Variants in IMMP2L observed in about 807,000 individuals in gnomAD.
IMMP2L encodes inner mitochondrial membrane peptidase subunit 2.
Under a neutral mutation model 19.3 loss-of-function variants are expected in IMMP2L, and 18 were observed. That is an observed-to-expected ratio of 0.93 (90% CI 0.64 to 1.38). IMMP2L has a LOEUF of 1.38. Ranked by LOEUF, IMMP2L falls within the 40% of genes most tolerant of loss-of-function variation. The pLI, the probability that IMMP2L is intolerant of heterozygous loss-of-function variation, is 0.00. For synonymous variants in IMMP2L, 76 were observed against 73.0 expected, an observed-to-expected ratio of 1.04 and a Z score of -0.21; for missense variants, 233 against 218.2, an observed-to-expected ratio of 1.07 and a Z score of -0.43.
chr7:110,831,684 G>A (rs1312104101), intron 5 of IMMP2L, among the ~76,000 whole-genome samples: 4 of 152,134 alleles, frequency 2.6e-5, no homozygotes, highest in African/African-American at 9.7e-5. Context: ...GGTTGCAATA[G>A]CAAGTATAAA....
intron 3 of IMMP2L, among the ~76,000 whole-genome samples, chr7:111,380,797 T>C (rs1157845355): frequency 1.3e-5 from 2 of 152,036 alleles, no homozygotes; most frequent in Non-Finnish European, 2.9e-5. Context: ...TGATATCATA[T>C]TGTATCATCA....
intron 3 of IMMP2L, among the ~76,000 whole-genome samples, chr7:111,250,144 C>T (rs1272809042): frequency 2.6e-5 from 4 of 152,158 alleles, no homozygotes; most frequent in East Asian, 1.9e-4. Flanking sequence ...TATGAATGAA[C>T]TCCCATTCAC....
intron 3 of IMMP2L, chr7:111,124,559 C>T (rs1193346530): frequency 5.0e-6 from 8 of 1,613,418 alleles, no homozygotes; most frequent in Non-Finnish European, 6.8e-6. Context: ...ATTGATATTC[C>T]CACCATCTAT....
rs1227172737 is a variant in IMMP2L, at chr7:110,887,593, A to C, written c.306-898T>G. ...TGTTCAAACAAGGCTTTTTATAGCA[A>C]AAAAAAAAAAAATAATTTACCTAAA... On this transcript the variant is annotated intron_variant, in intron 4 of 5. Coordinates refer to ENST00000405709, the MANE Select transcript of IMMP2L (RefSeq NM_032549.4). Among the ~76,000 whole-genome samples, 17 of 26,058 alleles carry C rather than the reference A, an allele frequency of 6.5e-4. No individual in the cohort carries two copies. In the East Asian group the frequency reaches 0.091, roughly 140 times the overall value. The allele number at this position is 26,058 out of a possible 152,430, so 17.1% of individuals were successfully genotyped here.
intron 5 of IMMP2L, among the ~76,000 whole-genome samples, chr7:110,732,528 T>C (rs61166887): frequency 7.9e-6 from 1 of 126,294 alleles, no homozygotes; most frequent in Admixed American, 7.4e-5. Context: ...TAGACACAGA[T>C]AGAAAGAAGT....
At chr7:111,297,120 A>G (rs1237635957) in intron 3 of IMMP2L, among the ~76,000 whole-genome samples, 2 of 152,044 alleles carry the variant, frequency 1.3e-5, no homozygotes, top group African/African-American at 4.8e-5. Context: ...GATAACAGGA[A>G]AGTTCTGCAT....
intron 5 of IMMP2L, among the ~76,000 whole-genome samples, chr7:110,726,887 G>C (rs974974788): frequency 6.6e-6 from 1 of 152,170 alleles, no homozygotes; most frequent in African/African-American, 2.4e-5. Context: ...CTACGGACCA[G>C]TTGTGGGCAT....
At chr7:110,846,719 T>C in intron 5 of IMMP2L, among the ~76,000 whole-genome samples, 1 of 152,058 alleles carries the variant, frequency 6.6e-6, no homozygotes, top group Non-Finnish European at 1.5e-5. Flanking sequence ...CATGGGAAAA[T>C]TTTACCTGGA....
intron 3 of IMMP2L, among the ~76,000 whole-genome samples, chr7:111,225,865 T>C (rs2129621819): frequency 6.6e-6 from 1 of 152,212 alleles, no homozygotes; most frequent in South Asian, 2.1e-4. Context: ...TTGTTAAGTG[T>C]TCTTATGCCC....
chr7:111,537,527 C>CTTTTTTTT (rs5886594), intron 1 of IMMP2L, among the ~76,000 whole-genome samples: 2 of 78,556 alleles, frequency 2.5e-5, no homozygotes, highest in Non-Finnish European at 4.7e-5. Context: ...ATCACTTCCA[C>CTTTTTTTT]TTTTTTTTTT....
At chr7:110,767,227 C>G (rs535944693) in intron 5 of IMMP2L, among the ~76,000 whole-genome samples, 4 of 152,078 alleles carry the variant, frequency 2.6e-5, no homozygotes, top group Non-Finnish European at 5.9e-5. Flanking sequence ...ACAAAAGAAC[C>G]AGTTTGTGTT....
intron 5 of IMMP2L, among the ~76,000 whole-genome samples, chr7:110,750,861 A>G (rs547643425): frequency 3.7e-4 from 57 of 152,170 alleles, no homozygotes; most frequent in African/African-American, 1.3e-3. Flanking sequence ...TAGTAATCCA[A>G]ACAAACAATA....
At chr7:111,170,062 T>C (rs57971786) in intron 3 of IMMP2L, among the ~76,000 whole-genome samples, 8,981 of 152,016 alleles carry the variant, frequency 0.059, 533 homozygotes, top group African/African-American at 0.14. Context: ...TAAGCTGTTT[T>C]GTCTATACAT....
chr7:110,747,117 A>T (rs1267129293), intron 5 of IMMP2L, among the ~76,000 whole-genome samples: 1 of 152,210 alleles, frequency 6.6e-6, no homozygotes, highest in East Asian at 1.9e-4. Flanking sequence ...AGAATACTAT[A>T]AACACCTCTA....
intron 5 of IMMP2L, among the ~76,000 whole-genome samples, chr7:110,798,897 G>A (rs1480039441): frequency 2.0e-5 from 3 of 151,808 alleles, no homozygotes; most frequent in African/African-American, 7.3e-5. Context: ...TGATTAATGG[G>A]CAATGACATC....
At chr7:111,541,476 C>G (rs1402422490) in intron 1 of IMMP2L, among the ~76,000 whole-genome samples, 1 of 152,126 alleles carries the variant, frequency 6.6e-6, no homozygotes, top group Non-Finnish European at 1.5e-5. Flanking sequence ...CAAATAAGCA[C>G]CAATAATAGT....
At chr7:110,975,923 G>T (rs1049108580) in intron 3 of IMMP2L, among the ~76,000 whole-genome samples, 8 of 151,974 alleles carry the variant, frequency 5.3e-5, no homozygotes, top group Non-Finnish European at 4.4e-5. Context: ...TCAAATATTG[G>T]AACATTAAAC....
chr7:110,809,652 T>G (rs559372801), intron 5 of IMMP2L, among the ~76,000 whole-genome samples: 2 of 152,132 alleles, frequency 1.3e-5, no homozygotes, highest in East Asian at 3.9e-4. Flanking sequence ...TAATAATTTC[T>G]TTATGTTTTC....
intron 3 of IMMP2L, among the ~76,000 whole-genome samples, chr7:111,197,572 A>G (rs1341370012): frequency 6.6e-6 from 1 of 152,208 alleles, no homozygotes; most frequent in Non-Finnish European, 1.5e-5. Context: ...ACGTCTTTAA[A>G]AAGGCAATCA....
Sources: allele counts gnomAD v4.1 joint callset (sites outside exome capture counted in the v4.1 genomes callset), GRCh38; gene constraint gnomAD v4.1.1; transcripts MANE v1.5; gene names NCBI Gene and HGNC (gene_info 2026-07-23, HGNC 2026-07-21).